The following EYS variants were observed in gnomAD, a reference collection of about 807,000 sequenced individuals.
The protein encoded by EYS is protein eyes shut homolog.
Under a neutral mutation model 282.1 loss-of-function variants are expected in EYS, and 250 were observed. The ratio of observed to expected loss-of-function variants is 0.89; its 90% confidence interval spans 0.80 to 0.98. The LOEUF is 0.98. Among genes scored for constraint, EYS ranks in the 50% least tolerant of loss-of-function variants. The pLI is 0.00. For synonymous variants in EYS, 1,355 were observed against 1,282.9 expected (o/e 1.06, Z -1.20); for missense variants, 4,016 against 3,709.0 (o/e 1.08, Z -2.15).
chr6:65,114,784 A>G (rs1051615090), intron 12 of EYS, among the ~76,000 whole-genome samples: 1 of 151,910 alleles, frequency 6.6e-6, no homozygotes. Flanking sequence ...CTGCATGTTG[A>G]TTGCTCCCAA....
intron 35 of EYS, among the ~76,000 whole-genome samples, chr6:63,901,163 C>A (rs1475435676): frequency 2.0e-5 from 3 of 151,986 alleles, no homozygotes; most frequent in Admixed American, 2.0e-4. Flanking sequence ...GAATATAAAA[C>A]CCCAGTGAAG....
At chr6:64,499,934 T>C (rs1776988851) in intron 26 of EYS, among the ~76,000 whole-genome samples, 1 of 152,190 alleles carries the variant, frequency 6.6e-6, no homozygotes, top group African/African-American at 2.4e-5. Context: ...ATAGTCATTT[T>C]GGTCTACTGC....
At chr6:64,842,830 T>A (rs941700118) in intron 19 of EYS, among the ~76,000 whole-genome samples, 4 of 151,998 alleles carry the variant, frequency 2.6e-5, no homozygotes, top group African/African-American at 9.7e-5. Context: ...GCACTCTGTT[T>A]TAAAAGGGAA....
At chr6:65,591,119 C>T (rs62407719) in intron 2 of EYS, among the ~76,000 whole-genome samples, 16,858 of 152,018 alleles carry the variant, frequency 0.11, 1,195 homozygotes, top group South Asian at 0.19. Flanking sequence ...TCCCCTTTCT[C>T]ACCACATGGC....
chr6:64,864,603 C>G (rs1285056264), intron 19 of EYS, among the ~76,000 whole-genome samples: 1 of 147,736 alleles, frequency 6.8e-6, no homozygotes, highest in Non-Finnish European at 1.5e-5. Flanking sequence ...CTACGATAGT[C>G]TCGATCTCCT....
chr6:63,777,991 T>G lies in EYS; in HGVS notation c.7898+15A>C. The G allele has an allele frequency of 1.9e-6, 3 of 1,550,988 alleles. No individual in the cohort carries two copies. The highest frequency in any genetic ancestry group is 3.3e-4 in the Middle Eastern group (2 of 5,986). On this transcript the variant is annotated intron_variant, in intron 40 of 42. Coordinates refer to ENST00000503581, the MANE Select transcript of EYS (RefSeq NM_001142800.2). ...AACAACCTGCTACTTTCATTCCTAATAACGTCATACTTACTAAACACTAGT... is the reference window on the plus strand; with the variant it reads ...AACAACCTGCTACTTTCATTCCTAAGAACGTCATACTTACTAAACACTAGT...
intron 34 of EYS, among the ~76,000 whole-genome samples, chr6:63,993,576 A>G (rs1170511347): frequency 6.6e-6 from 1 of 151,880 alleles, no homozygotes; most frequent in Non-Finnish European, 1.5e-5. Context: ...TAATACATGA[A>G]AAAGGATAAA....
intron 29 of EYS, among the ~76,000 whole-genome samples, chr6:64,356,098 T>C (rs1384686158): frequency 6.6e-6 from 1 of 151,572 alleles, no homozygotes; most frequent in Non-Finnish European, 1.5e-5. Flanking sequence ...TATCTAAATA[T>C]AAATTATAAA....
chr6:63,953,091 C>A (rs1053382108), intron 35 of EYS, among the ~76,000 whole-genome samples: 1 of 152,156 alleles, frequency 6.6e-6, no homozygotes, highest in African/African-American at 2.4e-5. Flanking sequence ...GTCCTCAATA[C>A]CTTCCTCCAC....
At chr6:64,361,358 T>C (rs192942423) in intron 29 of EYS, among the ~76,000 whole-genome samples, 5 of 151,768 alleles carry the variant, frequency 3.3e-5, no homozygotes, top group Non-Finnish European at 5.9e-5. Context: ...TGATAACTAC[T>C]AAAGGAATGT....
intron 12 of EYS, among the ~76,000 whole-genome samples, chr6:65,104,095 G>T (rs1416760316): frequency 6.6e-6 from 1 of 151,382 alleles, no homozygotes; most frequent in African/African-American, 2.4e-5. Context: ...TATAAATACA[G>T]TACTTTATTT....
At chr6:64,809,448 T>C (rs1764531025) in intron 22 of EYS, among the ~76,000 whole-genome samples, 1 of 151,636 alleles carries the variant, frequency 6.6e-6, no homozygotes, top group African/African-American at 2.4e-5. Context: ...AGATAAAAGT[T>C]TGAGAAGTAA....
At chr6:64,179,354 T>TA (rs1764726259) in intron 31 of EYS, among the ~76,000 whole-genome samples, 1 of 152,042 alleles carries the variant, frequency 6.6e-6, no homozygotes, top group Admixed American at 6.6e-5. Flanking sequence ...ATTAAGTTTT[T>TA]AAAAAAGACC....
intron 2 of EYS, among the ~76,000 whole-genome samples, chr6:65,599,362 T>C (rs1413738277): frequency 6.6e-6 from 1 of 152,132 alleles, no homozygotes; most frequent in Non-Finnish European, 1.5e-5. Context: ...TTTATTTTTA[T>C]GTGAGTTTGG....
intron 14 of EYS, among the ~76,000 whole-genome samples, chr6:64,951,176 A>G (rs1307287625): frequency 6.6e-6 from 1 of 151,864 alleles, no homozygotes; most frequent in Non-Finnish European, 1.5e-5. Context: ...ATTACACAGA[A>G]GTAAAGCATT....
intron 31 of EYS, among the ~76,000 whole-genome samples, chr6:64,175,904 C>A (rs76124890): frequency 0.036 from 5,495 of 152,084 alleles, 236 homozygotes; most frequent in African/African-American, 0.097. Context: ...TGCATTCTGG[C>A]AGAGGGATAA....
At chr6:65,120,605 A>G (rs532719655) in intron 12 of EYS, among the ~76,000 whole-genome samples, 174 of 152,268 alleles carry the variant, frequency 1.1e-3, no homozygotes, top group Admixed American at 4.8e-3. Flanking sequence ...AGATTGGAAT[A>G]GACAAGATTC....
At chr6:63,843,595 C>T (rs769535881) in intron 36 of EYS, among the ~76,000 whole-genome samples, 4 of 152,102 alleles carry the variant, frequency 2.6e-5, no homozygotes, top group Admixed American at 2.0e-4. Flanking sequence ...ATTGATGGAA[C>T]GTATCTCAAA....
chr6:64,532,055 G>A (rs1421343639), intron 26 of EYS, among the ~76,000 whole-genome samples: 2 of 152,148 alleles, frequency 1.3e-5, no homozygotes, highest in African/African-American at 2.4e-5. Context: ...TCCAGCAGCT[G>A]TCCAAAGTCT....
Sources: gnomAD v4.1 joint callset for allele counts (sites outside exome capture counted in the v4.1 genomes callset) on GRCh38, gnomAD v4.1.1 for gene constraint, MANE v1.5 for transcripts, NCBI Gene and HGNC (gene_info 2026-07-23, HGNC 2026-07-21) for gene names.